Variants in CIT observed in about 807,000 individuals in gnomAD.
The protein encoded by CIT is citron rho-interacting serine/threonine kinase.
A neutral mutation model predicts 272.7 loss-of-function variants in CIT; 79 were observed. That is an observed-to-expected ratio of 0.29 (90% CI 0.24 to 0.35). CIT has a LOEUF of 0.35. Among genes scored for constraint, CIT ranks in the 10% least tolerant of loss-of-function variants. CIT has a pLI of 1.00. For missense variants in CIT, 1,909 were observed against 2,618.3 expected (o/e 0.73, Z 5.91); for synonymous variants, 948 against 995.6 (o/e 0.95, Z 0.90).
chr12:119,750,357 C>T (rs1413208038), intron 23 of CIT, among the ~76,000 whole-genome samples: 1 of 152,172 alleles, frequency 6.6e-6, no homozygotes, highest in Non-Finnish European at 1.5e-5. Flanking sequence ...CTTATTTTCT[C>T]TTTGCCTTTT....
rs1234522851 is a variant in CIT, at chr12:119,690,235, C to A, written c.6102G>T (p.Arg2034=). Residue 2034 remains arginine, a synonymous_variant, in exon 47 of 48, where the codon CGG becomes CGT. Coordinates refer to ENST00000392521, the MANE Select transcript of CIT (RefSeq NM_001206999.2). This position sits in a 1 kb window ranked among gnomAD's most constrained non-coding sequence, Gnocchi z 6.0. ...PGRMLSTRRE[R]SPGRLFEDSS... ...TGTCTTCAAACAGCCTCCCGGGGGA[C>A]CGCTCTCTCCGCGTGCTGAGCATCC... 1 of 1,546,398 alleles carries A rather than the reference C, an allele frequency of 6.5e-7. No individual in the cohort carries two copies. Among genetic ancestry groups the A allele is most frequent in the Non-Finnish European group, 8.6e-7 (1 of 1,157,772 alleles).
chr12:119,825,237 C>T lies in CIT; in HGVS notation c.885G>A (p.Glu295=). 6.2e-7 allele frequency: 1 copy of T among 1,614,184 alleles called. No homozygotes were observed. The highest frequency in any genetic ancestry group is 8.5e-7 in the Non-Finnish European group (1 of 1,180,040). Residue 295 remains glutamate, a synonymous_variant, in exon 8 of 48, where the codon GAG becomes GAA. Transcript: ENST00000392521. The part of the protein sequence containing the change: ...DWWSVGVIAY[E]MIYGRSPFAE... The stretch of plus-strand genomic sequence containing the variant: ...CGAAGGGGGATCTCCCATAAATCAT[C>T]TCATAGGCAATCACGCCCACTGACC...
intron 5 of CIT, among the ~76,000 whole-genome samples, chr12:119,835,536 A>G (rs1393997861): frequency 1.3e-5 from 2 of 152,178 alleles, no homozygotes; most frequent in East Asian, 3.8e-4. Context: ...TTTATTAGCC[A>G]TGCTATAAAT....
intron 22 of CIT, among the ~76,000 whole-genome samples, chr12:119,753,768 C>T (rs1339720828): frequency 1.3e-5 from 2 of 151,478 alleles, no homozygotes; most frequent in African/African-American, 4.8e-5. Flanking sequence ...AAAAAGATGA[C>T]TCCCACATTT....
chr12:119,852,914 T>C (rs280591), intron 4 of CIT, among the ~76,000 whole-genome samples: 29,936 of 151,872 alleles, frequency 0.2, 7,160 homozygotes, highest in African/African-American at 0.57. Context: ...TCAAATGGTT[T>C]AAGAAAAAAA....
At position 119,856,732 on chromosome 12, in the gene CIT, C is replaced by T. The variant is rs539673091; in HGVS notation, c.414+791G>A. On this transcript the variant is annotated intron_variant, in intron 4 of 47. Transcript: ENST00000392521. Reference sequence around the variant, plus strand: ...CCTCACATCATCGTTAATTAATTTGCTAATTGCTCTCCCACTTCTGTGATA... The same window carrying T: ...CCTCACATCATCGTTAATTAATTTGTTAATTGCTCTCCCACTTCTGTGATA... 6.5e-4 allele frequency among the ~76,000 whole-genome samples: 99 copies of T among 151,240 alleles called. 1 individual carries two copies. The highest frequency in any genetic ancestry group is 2.2e-3 in the African/African-American group (88 of 40,510).
chr12:119,698,982 C>T (rs529051304), intron 44 of CIT, among the ~76,000 whole-genome samples: 18 of 151,980 alleles, frequency 1.2e-4, no homozygotes, highest in South Asian at 2.1e-4. Flanking sequence ...GGGCTGGGCG[C>T]GGTGGCTCAT....
At chr12:119,731,109 A>G (rs1958412645) in intron 26 of CIT, among the ~76,000 whole-genome samples, 2 of 152,142 alleles carry the variant, frequency 1.3e-5, no homozygotes, top group Admixed American at 6.6e-5. Flanking sequence ...CCTGGGTGAT[A>G]GAGCAAGACT....
In CIT at chr12:119,700,840, G is replaced by A. The variant is rs1565904385; in HGVS notation, c.5543-15C>T. On this transcript the variant is annotated splice_polypyrimidine_tract_variant and intron_variant, in intron 43 of 47. Transcript: ENST00000392521. The stretch of plus-strand genomic sequence containing the variant: ...CACTCCAAATTCTGCAAGGTGTCAA[G>A]AGCACGTGGGCATTAGCACAGCCAA... The A allele has an allele frequency of 1.2e-6, 2 of 1,609,454 alleles. No homozygotes were observed. The highest frequency in any genetic ancestry group is 1.7e-5 in the Admixed American group (1 of 59,980).
intron 3 of CIT, among the ~76,000 whole-genome samples, chr12:119,861,775 C>A (rs1006634244): frequency 6.6e-6 from 1 of 151,844 alleles, no homozygotes; most frequent in Non-Finnish European, 1.5e-5. Flanking sequence ...CACATGTGCT[C>A]AAAAAAGATG....
At chr12:119,734,493 G>T in intron 25 of CIT, 136 bp from the exon 26 acceptor site, 1 of 907,906 alleles carries the variant, frequency 1.1e-6, no homozygotes, top group African/African-American at 1.6e-5. Context: ...TGCTTCTGCA[G>T]CCCAAGGGGA....
At chr12:119,829,955 T>C (rs1007455689) in intron 7 of CIT, among the ~76,000 whole-genome samples, 2 of 151,988 alleles carry the variant, frequency 1.3e-5, no homozygotes, top group African/African-American at 4.8e-5. Context: ...TTCCAGTAAA[T>C]GTGGATTATA....
chr12:119,802,857 C>T (rs1966313547), intron 10 of CIT, among the ~76,000 whole-genome samples: 1 of 152,270 alleles, frequency 6.6e-6, no homozygotes, highest in South Asian at 2.1e-4. Flanking sequence ...ATGGGCAGCT[C>T]ATCTTAACTC....
chr12:119,828,815 G>T (rs138291897), intron 7 of CIT, among the ~76,000 whole-genome samples: 15 of 151,994 alleles, frequency 9.9e-5, no homozygotes, highest in Admixed American at 3.9e-4. Flanking sequence ...TGATCTGCTC[G>T]CCTCGGCCTC....
At chr12:119,819,231 G>A (rs943873225) in intron 9 of CIT, among the ~76,000 whole-genome samples, 7 of 152,196 alleles carry the variant, frequency 4.6e-5, no homozygotes, top group Non-Finnish European at 8.8e-5. Context: ...AGAGCCTGGT[G>A]ACCCATGAGC....
intron 22 of CIT, among the ~76,000 whole-genome samples, chr12:119,753,785 G>A (rs7312389): frequency 0.01 from 1,561 of 151,940 alleles, 27 homozygotes; most frequent in African/African-American, 0.036. Flanking sequence ...ATTTCTGGAC[G>A]GGTGAATTAC....
intron 17 of CIT, among the ~76,000 whole-genome samples, chr12:119,772,079 G>A (rs1963221150): frequency 6.6e-6 from 1 of 152,084 alleles, no homozygotes; most frequent in Non-Finnish European, 1.5e-5. Context: ...TGTACCAGGA[G>A]GTTCACACCA....
Position 119,804,072 on chromosome 12 carries a change from A to G in CIT, c.1112-683T>C. The G allele has an allele frequency of 1.4e-6, 1 of 692,548 alleles. No individual in the cohort carries two copies. The allele number at this position is 692,548 out of a possible 1,614,324, so 42.9% of individuals were successfully genotyped here. On this transcript the variant is annotated intron_variant, in intron 9 of 47. Transcript: ENST00000392521. The surrounding 1 kb of genome is among the most constrained non-coding windows in gnomAD (Gnocchi z 5.3). ...CACTGCAGTTTAATCAGCATAATGA[A>G]GCACCAGCCAAATAAAGTTCCTACC...
chr12:119,757,532 C>T lies in CIT; in HGVS notation c.2545G>A (p.Glu849Lys). The change falls in exon 22 of 48, where the codon GAG (glutamate) becomes AAG (lysine). Residue 849 changes from glutamate to lysine, a missense_variant. By Grantham distance (56) the Glu-to-Lys change is moderately conservative. Around this residue, in one of 8 missense-constraint regions of CIT, gnomAD observed 530 missense variants for 822.4 expected, o/e 0.64. Coordinates refer to ENST00000392521, the MANE Select transcript of CIT (RefSeq NM_001206999.2). ...TGTTGCCTGAGTTCAGAAATCATCT[C>T]TTCTTGGGCCTTCCTGGTGGGGGTG... ...FTQRNMKAQE[E>K]MISELRQQKF... The T allele has an allele frequency of 6.2e-7, 1 of 1,608,498 alleles. No individual in the cohort carries two copies. The highest frequency in any genetic ancestry group is 8.5e-7 in the Non-Finnish European group (1 of 1,177,234).
Sources: gnomAD v4.1 joint callset for allele counts (sites outside exome capture counted in the v4.1 genomes callset) on GRCh38, gnomAD v4.1.1 for gene constraint, gnomAD v4.1.1 regional missense constraint, Gnocchi (gnomAD v3.1) non-coding constraint, MANE v1.5 for transcripts, NCBI Gene and HGNC (gene_info 2026-07-23, HGNC 2026-07-21) for gene names.